ANKHD1: variants seen among roughly 807,000 people sequenced by gnomAD.
ANKHD1 encodes ankyrin repeat and KH domain-containing protein 1.
Under a neutral mutation model 230.5 loss-of-function variants are expected in ANKHD1, and 31 were observed. That is an observed-to-expected ratio of 0.13 (90% CI 0.10 to 0.18). The LOEUF is 0.18. Among genes scored for constraint, ANKHD1 ranks in the 10% least tolerant of loss-of-function variants. The probability of loss-of-function intolerance (pLI) is 1.00; values close to 1 mark genes in which losing one functional copy is unlikely to be tolerated. For missense variants in ANKHD1, 2,256 were observed against 3,071.3 expected, an observed-to-expected ratio of 0.73 and a Z score of 6.27; for synonymous variants, 1,074 against 1,117.6, an observed-to-expected ratio of 0.96 and a Z score of 0.78.
At chr5:140,416,438 A>G (rs1175234600) in intron 1 of ANKHD1, among the ~76,000 whole-genome samples, 2 of 152,270 alleles carry the variant, frequency 1.3e-5, no homozygotes, top group East Asian at 1.9e-4. Context: ...TTTTAGCACC[A>G]TTTGTTAAAG....
At chr5:140,402,552 G>A (rs1346127585) in intron 1 of ANKHD1, among the ~76,000 whole-genome samples, 2 of 152,162 alleles carry the variant, frequency 1.3e-5, no homozygotes, top group Admixed American at 6.5e-5. Context: ...GCTGCCTCCC[G>A]CCCACCCTGC....
Position 140,539,591 on chromosome 5 carries a change from T to A in ANKHD1, c.*173T>A. 1.4e-6 allele frequency: 1 copy of A among 728,454 alleles called. No homozygotes were observed. Among genetic ancestry groups the A allele is most frequent in the Non-Finnish European group, 2.1e-6 (1 of 468,576 alleles). The allele number at this position is 728,454 out of a possible 1,614,324, so 45.1% of individuals were successfully genotyped here. A position where few individuals can be genotyped will look rare whatever the true frequency, so the allele number is the denominator to read the frequency against. ...TTCCTATCCACCTGATTATGTTCTC[T>A]GGTTAGTTTAGCCATTTTGAACTTA... is the stretch of plus-strand genomic sequence containing the variant. On this transcript the variant is annotated 3_prime_UTR_variant, in exon 34 of 34. Coordinates refer to ENST00000360839, the MANE Select transcript of ANKHD1 (RefSeq NM_017747.3).
chr5:140,464,218 G>A (rs1307853431), intron 9 of ANKHD1, among the ~76,000 whole-genome samples: 2 of 148,432 alleles, frequency 1.3e-5, no homozygotes, highest in Non-Finnish European at 3.0e-5. Flanking sequence ...GCGACAGAGT[G>A]AGACTATCTC....
intron 1 of ANKHD1, among the ~76,000 whole-genome samples, chr5:140,422,243 C>T (rs181716983): frequency 5.2e-4 from 79 of 152,230 alleles, no homozygotes; most frequent in African/African-American, 1.8e-3. Context: ...CTACCGCACC[C>T]TCCCGAGTAG....
rs772320375 is a variant in ANKHD1, at chr5:140,496,753, C to G, written c.2479C>G (p.Gln827Glu). Residue 827 changes from glutamine to glutamate, a missense_variant, in exon 15 of 34, where the codon CAA becomes GAA. Physicochemically the swap from Gln to Glu is conservative, Grantham distance 29. Coordinates refer to ENST00000360839, the MANE Select transcript of ANKHD1 (RefSeq NM_017747.3). ...IEELKKNREE[Q>E]VQKKKKILKE... is the part of the protein sequence containing the mutation. ...AGAACTTAAAAAGAACAGAGAAGAGCAAGTCCAGAAGAAGAAGAAAATATT... is the reference window on the plus strand; with the variant it reads ...AGAACTTAAAAAGAACAGAGAAGAGGAAGTCCAGAAGAAGAAGAAAATATT... The G allele has an allele frequency of 6.2e-7, 1 of 1,613,588 alleles. No homozygotes were observed. Among genetic ancestry groups the G allele is most frequent in the African/African-American group, 1.3e-5 (1 of 74,782 alleles).
chr5:140,427,847 C>T (rs1461498549), intron 1 of ANKHD1, among the ~76,000 whole-genome samples: 4 of 151,792 alleles, frequency 2.6e-5, no homozygotes, highest in Non-Finnish European at 5.9e-5. Flanking sequence ...GACGGGGTGG[C>T]TGCTGGGCGG....
chr5:140,434,040 T>A (rs1773260247), intron 1 of ANKHD1, among the ~76,000 whole-genome samples: 1 of 152,180 alleles, frequency 6.6e-6, no homozygotes, highest in Non-Finnish European at 1.5e-5. Context: ...TGTTTTTAGG[T>A]CTGAAGTTAA....
At chr5:140,510,679 G>C (rs1752727505) in intron 22 of ANKHD1, among the ~76,000 whole-genome samples, 1 of 152,022 alleles carries the variant, frequency 6.6e-6, no homozygotes, top group African/African-American at 2.4e-5. Context: ...AAATCACTTG[G>C]TGTCTTGACT....
rs973096987 is a variant in ANKHD1 at position 140,497,255 on chromosome 5, A to C, written c.2981A>C (p.Asp994Ala). 4 of 1,604,930 alleles carry C rather than the reference A, an allele frequency of 2.5e-6. No individual in the cohort carries two copies. Among genetic ancestry groups the C allele is most frequent in the African/African-American group, 2.7e-5 (2 of 74,946 alleles). Residue 994 changes from aspartate to alanine, a missense_variant, in exon 15 of 34, where the codon GAC becomes GCC. Physicochemically the swap from Asp to Ala is moderately radical, Grantham distance 126 (BLOSUM62 -2). This residue lies in a region of ANKHD1 where 358 missense variants were observed against 397.7 expected (regional missense o/e 0.90). Transcript: ENST00000360839. ...GCAACTCCAGCTCAGACGCTTACCG[A>C]CACTCTTGATGACCTGATAGCAGGT... is the stretch of plus-strand genomic sequence containing the variant. ...MVATPAQTLTDTLDDLIAAVS... is the reference protein window; with the variant it reads ...MVATPAQTLTATLDDLIAAVS...
At chr5:140,537,193 A>T (rs1048282249) in intron 30 of ANKHD1, 196 bp from the exon 31 acceptor site, 51 of 976,048 alleles carry the variant, frequency 5.2e-5, no homozygotes, top group South Asian at 1.1e-4. Flanking sequence ...TGTCTATAGA[A>T]ATTATGTTTT....
At chr5:140,450,282 A>G (rs1449261517) in intron 7 of ANKHD1, among the ~76,000 whole-genome samples, 1 of 143,998 alleles carries the variant, frequency 6.9e-6, no homozygotes, top group Non-Finnish European at 1.5e-5. Flanking sequence ...TAGCAGCCAC[A>G]TATTACCTCT....
At chr5:140,524,714 GT>G (rs1753521498) in intron 25 of ANKHD1, among the ~76,000 whole-genome samples, 2 of 152,100 alleles carry the variant, frequency 1.3e-5, no homozygotes. Flanking sequence ...AAATAATTTT[GT>G]TCTACTTGGA....
chr5:140,510,250 A>G (rs1483447345), intron 22 of ANKHD1, 69 bp downstream of exon 22: 1 of 1,484,640 alleles, frequency 6.7e-7, no homozygotes, highest in African/African-American at 1.4e-5. Flanking sequence ...TGAGAAAGAT[A>G]AGTTTATCTT....
chr5:140,523,240 G>A (rs1753442447), intron 24 of ANKHD1, among the ~76,000 whole-genome samples: 1 of 150,556 alleles, frequency 6.6e-6, no homozygotes, highest in Non-Finnish European at 1.5e-5. Context: ...CCAAGTAACT[G>A]GGACTACAGG....
At chr5:140,525,680 C>G (rs1267327526) in intron 25 of ANKHD1, among the ~76,000 whole-genome samples, 2 of 152,040 alleles carry the variant, frequency 1.3e-5, no homozygotes, top group East Asian at 3.9e-4. Context: ...TCAGCCTGGC[C>G]AACATGGTGA....
At chr5:140,492,509 A>C (rs1263407875) in intron 14 of ANKHD1, among the ~76,000 whole-genome samples, 1 of 152,252 alleles carries the variant, frequency 6.6e-6, no homozygotes, top group Non-Finnish European at 1.5e-5. Flanking sequence ...ATTGAAGCCC[A>C]GGACACATCA....
Position 140,538,122 on chromosome 5 carries a change from A to G in ANKHD1, c.7265A>G (p.Asn2422Ser). Residue 2422 changes from asparagine to serine, a missense_variant, in exon 32 of 34, where the codon AAC (asparagine) becomes AGC (serine). By Grantham distance (46) the Asn-to-Ser change is conservative (BLOSUM62 1). This residue lies in a region of ANKHD1 where 778 missense variants were observed against 966.5 expected (regional missense o/e 0.80). Transcript: ENST00000360839. ...LSGWSQSVMG[N>S]HPMHQQLSDP... is the part of the protein sequence containing the mutation. The stretch of plus-strand genomic sequence containing the variant: ...GGTTGGTCGCAATCTGTGATGGGGA[A>G]CCATCCAATGCATCAACAATTATCA... The G allele has an allele frequency of 6.2e-7, 1 of 1,613,892 alleles. No homozygotes were observed. Among genetic ancestry groups the G allele is most frequent in the Non-Finnish European group, 8.5e-7 (1 of 1,179,918 alleles).
intron 3 of ANKHD1, 22 bp from the exon 4 acceptor site, chr5:140,440,097 T>G (rs773173893): frequency 1.3e-6 from 2 of 1,564,590 alleles, no homozygotes; most frequent in Non-Finnish European, 1.7e-6. Flanking sequence ...TTCGGTTAAT[T>G]GTTGAATGGT....
At chr5:140,533,785 A>C (rs1261753652) in intron 29 of ANKHD1, among the ~76,000 whole-genome samples, 2 of 150,858 alleles carry the variant, frequency 1.3e-5, no homozygotes, top group African/African-American at 2.4e-5. Flanking sequence ...CAAAAAAAAA[A>C]AAAAAAAAAA....
Sources: allele counts gnomAD v4.1 joint callset (sites outside exome capture counted in the v4.1 genomes callset), GRCh38; gene constraint gnomAD v4.1.1; regional missense constraint gnomAD v4.1.1; transcripts MANE v1.5; gene names NCBI Gene and HGNC (gene_info 2026-07-23, HGNC 2026-07-21).